Variants in TUT4 observed in about 807,000 individuals in gnomAD.
TUT4 encodes the protein terminal uridylyltransferase 4.
In TUT4, 36 loss-of-function variants were observed where a neutral mutation model predicts 192.2. The ratio of observed to expected loss-of-function variants is 0.19; its 90% CI spans 0.14 to 0.25. The LOEUF (loss-of-function observed/expected upper bound fraction) is 0.25. Ranked by LOEUF, TUT4 falls within the 10% of genes least tolerant of loss-of-function variation. The pLI, the probability that TUT4 is intolerant of heterozygous loss-of-function variation, is 1.00. For missense variants in TUT4, 1,493 were observed against 1,957.2 expected (o/e 0.76, Z 4.47); for synonymous variants, 618 against 666.0 (o/e 0.93, Z 1.11).
chr1:52,446,124 C>T, intron 22 of TUT4, 120 bp from the exon 23 acceptor site: 2 of 1,304,916 alleles, frequency 1.5e-6, no homozygotes, highest in South Asian at 1.4e-5. Flanking sequence ...TCAGCAAACT[C>T]TTCCTCTAAA....
chr1:52,496,049 C>A (rs1359610860), intron 5 of TUT4, among the ~76,000 whole-genome samples: 1 of 152,100 alleles, frequency 6.6e-6, no homozygotes. Context: ...CTACTTACAG[C>A]TTTCCCAGAC....
rs1654415313 is a variant in TUT4 at position 52,438,201 on chromosome 1, T to C, written c.3938+19A>G. ...TCATTTATTTTCCTCAAAATGTTGA[T>C]ATATATTCATTTGCCAACCTTTTCC... On this transcript the variant is annotated intron_variant, in intron 25 of 29. Coordinates refer to ENST00000257177, the MANE Select transcript of TUT4 (RefSeq NM_001009881.3). 7 of 1,573,776 alleles carry C rather than the reference T, an allele frequency of 4.4e-6. No individual in the cohort carries two copies. The East Asian group carries it at 1.3e-4, about 30-fold the overall frequency.
intron 3 of TUT4, among the ~76,000 whole-genome samples, chr1:52,510,614 G>A (rs919730182): frequency 2.6e-5 from 4 of 152,154 alleles, no homozygotes; most frequent in Non-Finnish European, 5.9e-5. Context: ...GTCACAGAAC[G>A]TCACTCATAC....
At chr1:52,435,334 A>G (rs779715790) in intron 27 of TUT4, 31 bp downstream of exon 27, 1 of 1,561,154 alleles carries the variant, frequency 6.4e-7, no homozygotes, top group South Asian at 1.1e-5. Context: ...TCATCAGTCA[A>G]GACTAACACA....
intron 2 of TUT4, among the ~76,000 whole-genome samples, chr1:52,517,126 G>A (rs1324505935): frequency 6.6e-6 from 1 of 152,090 alleles, no homozygotes; most frequent in African/African-American, 2.4e-5. Context: ...TTCAGCTTAA[G>A]CACCACTTGT....
chr1:52,533,683 T>C (rs569984276), intron 1 of TUT4, among the ~76,000 whole-genome samples: 9 of 152,168 alleles, frequency 5.9e-5, no homozygotes, highest in Non-Finnish European at 8.8e-5. Flanking sequence ...AAAGGAAACA[T>C]GAGGCCAGGC....
chr1:52,500,282 C>CT (rs1390601292), intron 4 of TUT4, among the ~76,000 whole-genome samples: 1 of 152,174 alleles, frequency 6.6e-6, no homozygotes, highest in Admixed American at 6.5e-5. Flanking sequence ...AAGCTGGACT[C>CT]TGACCTTAGA....
chr1:52,490,768 G>A lies in TUT4; in HGVS notation c.1352C>T (p.Ala451Val). Residue 451 changes from alanine (A) to valine (V), a missense_variant, in exon 8 of 30, where the codon GCT becomes GTT. Transcript: ENST00000257177. ...LYVDVESDFH[A>V]KVPVVVCRDR... ...TCTGCACACCACAACAGGAACTTTA[G>A]CGTGAAAATCAGATTCCACATCTAC... is the stretch of plus-strand genomic sequence containing the variant. 1 of 1,611,526 alleles carries A rather than the reference G, an allele frequency of 6.2e-7. No individual in the cohort carries two copies. Among genetic ancestry groups the A allele is most frequent in the South Asian group, 1.1e-5 (1 of 90,618 alleles).
intron 1 of TUT4, among the ~76,000 whole-genome samples, chr1:52,534,019 T>A (rs1684213133): frequency 6.6e-6 from 1 of 152,226 alleles, no homozygotes; most frequent in Admixed American, 6.5e-5. Flanking sequence ...TGTCCCACTT[T>A]CGATATTTCA....
chr1:52,446,141 C>T (rs939118747), intron 22 of TUT4, 124 bp downstream of exon 22: 1 of 1,308,046 alleles, frequency 7.6e-7, no homozygotes, highest in East Asian at 2.3e-5. Context: ...TAAAATTACA[C>T]ATTAAAGGAG....
At chr1:52,493,686 C>T (rs754190842) in intron 6 of TUT4, 24 bp from the exon 7 acceptor site, 14 of 1,423,030 alleles carry the variant, frequency 9.8e-6, no homozygotes, top group African/African-American at 1.5e-5. Context: ...AAAAATAAAT[C>T]GATATACTAA....
chr1:52,454,056 A>C (rs1660181874), intron 20 of TUT4, among the ~76,000 whole-genome samples: 2 of 152,282 alleles, frequency 1.3e-5, no homozygotes, highest in African/African-American at 2.4e-5. Flanking sequence ...AAACTACAAA[A>C]CTCTGATGAG....
At chr1:52,521,872 G>A (rs1680376953) in intron 2 of TUT4, among the ~76,000 whole-genome samples, 1 of 151,972 alleles carries the variant, frequency 6.6e-6, no homozygotes, top group South Asian at 2.1e-4. Context: ...GGCTGAGGCA[G>A]GAGAATCACT....
intron 29 of TUT4, 57 bp downstream of exon 29, chr1:52,425,292 C>G (rs780004812): frequency 6.4e-7 from 1 of 1,565,166 alleles, no homozygotes; most frequent in African/African-American, 1.4e-5. Context: ...CACTAAGGCT[C>G]TCTATCCCAG....
intron 3 of TUT4, among the ~76,000 whole-genome samples, chr1:52,512,422 A>G (rs537880688): frequency 6.6e-6 from 1 of 152,338 alleles, no homozygotes; most frequent in African/African-American, 2.4e-5. Context: ...CTGATGTTTA[A>G]AGAATTTAAA....
In TUT4 at chr1:52,434,664, C is replaced by G. The variant is rs535202835; in HGVS notation, c.4263+701G>C. On this transcript the variant is annotated intron_variant, in intron 27 of 29. Transcript: ENST00000257177. ...ACTAGCCCGACCAATATGGTGAAAC[C>G]CAGTCTATACTAAAAATACAAAAAT... The G allele has an allele frequency of 2.6e-5, 4 of 152,152 alleles. No individual in the cohort carries two copies. In the East Asian group the frequency reaches 7.7e-4, roughly 29 times the overall value. The allele number at this position is 152,152 out of a possible 1,614,324, so 9.4% of individuals were successfully genotyped here.
At chr1:52,515,809 GAAA>G (rs1385678633) in intron 3 of TUT4, 79 bp downstream of exon 3, 2 of 1,537,184 alleles carry the variant, frequency 1.3e-6, no homozygotes, top group African/African-American at 1.4e-5. Flanking sequence ...ATGAATAAAA[GAAA>G]AATAAAAAAA....
chr1:52,538,809 G>A (rs1190079451), intron 1 of TUT4, among the ~76,000 whole-genome samples: 1 of 152,096 alleles, frequency 6.6e-6, no homozygotes, highest in Non-Finnish European at 1.5e-5. Flanking sequence ...GAAAGGGAAA[G>A]ATAGTGCAAT....
intron 24 of TUT4, among the ~76,000 whole-genome samples, chr1:52,441,800 G>C (rs1655678752): frequency 6.6e-6 from 1 of 152,028 alleles, no homozygotes; most frequent in Non-Finnish European, 1.5e-5. Flanking sequence ...CAGGCACATG[G>C]TGGATACCTG....
Sources: gnomAD v4.1 joint callset for allele counts (sites outside exome capture counted in the v4.1 genomes callset) on GRCh38, gnomAD v4.1.1 for gene constraint, MANE v1.5 for transcripts, NCBI Gene and HGNC (gene_info 2026-07-23, HGNC 2026-07-21) for gene names.